CYP4A22: variants seen among roughly 807,000 people sequenced by gnomAD.
CYP4A22 encodes cytochrome P450 4A22.
Under a neutral mutation model 56.2 loss-of-function variants are expected in CYP4A22, and 46 were observed. That is an observed-to-expected ratio of 0.82 (90% CI 0.65 to 1.05). The LOEUF (loss-of-function observed/expected upper bound fraction) is 1.05, where lower values mean the gene tolerates loss of function less well. CYP4A22 is among the 50% of genes least tolerant of loss of function. The pLI is 0.00. For missense variants in CYP4A22, 541 were observed against 645.9 expected, an observed-to-expected ratio of 0.84 and a Z score of 1.76; for synonymous variants, 193 against 251.1, an observed-to-expected ratio of 0.77 and a Z score of 2.19.
Position 47,143,728 on chromosome 1 carries a change from C to G in CYP4A22, c.636-34C>G, listed in dbSNP as rs76641385. On this transcript the variant is annotated intron_variant, in intron 5 of 11. Coordinates refer to ENST00000371891, the MANE Select transcript of CYP4A22 (RefSeq NM_001010969.4). ...TCTACTTCCGGGTAATGGGCCCACC[C>G]CTACTGCGGTCTCTTCTTCATACTC... 3.3e-3 allele frequency: 5,265 copies of G among 1,573,716 alleles called. 99 individuals carry two copies. In the East Asian group the frequency reaches 0.049, roughly 15 times the overall value.
rs375816891 is a variant in CYP4A22 at position 47,144,886 on chromosome 1, C to T, written c.1138C>T (p.Leu380=). The change falls in exon 9 of 12, where the codon CTG becomes TTG. Residue 380 remains leucine (L), a synonymous_variant. Coordinates refer to ENST00000371891, the MANE Select transcript of CYP4A22 (RefSeq NM_001010969.4). ...PYTTMCIKEA[L]RLYPPVPGIG... ...CACCACCATGTGCATTAAGGAGGCA[C>T]TGAGGCTCTACCCACCGGTGCCAGG... 20 of 1,614,154 alleles carry T rather than the reference C, an allele frequency of 1.2e-5. 1 individual carries two copies. In the African/African-American group the frequency reaches 2.4e-4, roughly 19 times the overall value.
At chr1:47,148,132 G>A (rs537930575) in intron 11 of CYP4A22, among the ~76,000 whole-genome samples, 96 of 152,188 alleles carry the variant, frequency 6.3e-4, no homozygotes, top group African/African-American at 2.0e-3. Context: ...TACACCCATC[G>A]GGGACCCCCT....
rs1225300988 is a variant in CYP4A22 at position 47,137,460 on chromosome 1, C to T, written c.-26C>T. ...GGGTGGTCAGAGAGAGGAAGGGGCACTCAGAGATCCAGCAGGTGCTGCACC... is the reference window on the plus strand; with the variant it reads ...GGGTGGTCAGAGAGAGGAAGGGGCATTCAGAGATCCAGCAGGTGCTGCACC... On this transcript the variant is annotated 5_prime_UTR_variant, in exon 1 of 12. Coordinates refer to ENST00000371891, the MANE Select transcript of CYP4A22 (RefSeq NM_001010969.4). 6 of 1,594,790 alleles carry T rather than the reference C, an allele frequency of 3.8e-6. No homozygotes were observed. The highest frequency in any genetic ancestry group is 5.1e-6 in the Non-Finnish European group (6 of 1,169,904).
chr1:47,140,422 A>G (rs1452863315), intron 1 of CYP4A22, among the ~76,000 whole-genome samples: 1 of 152,248 alleles, frequency 6.6e-6, no homozygotes, highest in Non-Finnish European at 1.5e-5. Context: ...TGTTCACATT[A>G]ATTCATTTTA....
chr1:47,144,267 AG>A, intron 6 of CYP4A22, 89 bp from the exon 7 acceptor site: 1 of 1,488,660 alleles, frequency 6.7e-7, no homozygotes. Flanking sequence ...GAGATCTACC[AG>A]GCACCCACAC....
intron 11 of CYP4A22, chr1:47,146,877 G>A (rs1645081643): frequency 1.0e-6 from 1 of 985,302 alleles, no homozygotes; most frequent in African/African-American, 1.7e-5. Context: ...GCACAATATT[G>A]GCCAAAAACA....
Position 47,146,146 on chromosome 1 carries a change from G to A in CYP4A22, c.1357G>A (p.Gly453Arg), listed in dbSNP as rs267598633. 6.2e-7 allele frequency: 1 copy of A among 1,614,194 alleles called. No homozygotes were observed. Among genetic ancestry groups the A allele is most frequent in the African/African-American group, 1.3e-5 (1 of 75,056 alleles). Reference sequence around the variant, plus strand: ...CCACGCTTTCCTGCCCTTCTCAGGAGGATCAAGGTGAGACGTCCTGTGTGG... The same window carrying A: ...CCACGCTTTCCTGCCCTTCTCAGGAAGATCAAGGTGAGACGTCCTGTGTGG... Reference protein sequence around the residue: ...HSHAFLPFSGGSRNCIGKQFA... With the variant: ...HSHAFLPFSGRSRNCIGKQFA... The change falls in exon 11 of 12, where the codon GGA becomes AGA. Residue 453 changes from glycine to arginine, a missense_variant. By Grantham distance (125) the Gly-to-Arg change is moderately radical (BLOSUM62 -2). This residue lies in a region of CYP4A22 where 204 missense variants were observed against 258.9 expected (regional missense o/e 0.79). Transcript: ENST00000371891.
chr1:47,137,782 G>C (rs954382507), intron 1 of CYP4A22, 102 bp downstream of exon 1: 28 of 1,461,404 alleles, frequency 1.9e-5, no homozygotes, highest in Admixed American at 7.7e-5. Flanking sequence ...TGTAACAAAC[G>C]TGAGGCCTCA....
chr1:47,146,720 G>T, intron 11 of CYP4A22: 1 of 990,232 alleles, frequency 1.0e-6, no homozygotes. Context: ...TTTTACAACA[G>T]TGTGTGTCAT....
At position 47,137,671 on chromosome 1, in the gene CYP4A22, C is replaced by T; in HGVS notation, c.186C>T (p.His62=). 2 of 1,610,924 alleles carry T rather than the reference C, an allele frequency of 1.2e-6. No individual in the cohort carries two copies. Among genetic ancestry groups the T allele is most frequent in the Non-Finnish European group, 1.7e-6 (2 of 1,178,142 alleles). Reference sequence around the variant, plus strand: ...CTCCCTCCCACTGGCTCTTCGGGCACATCCAGGAGGTAGGGAGGAACTCAG... The same window carrying T: ...CTCCCTCCCACTGGCTCTTCGGGCATATCCAGGAGGTAGGGAGGAACTCAG... ...PCPPSHWLFG[H]IQEFQHDQEL... The change falls in exon 1 of 12, where the codon CAC becomes CAT. Residue 62 remains histidine (H), a synonymous_variant. Coordinates refer to ENST00000371891, the MANE Select transcript of CYP4A22 (RefSeq NM_001010969.4).
intron 10 of CYP4A22, 36 bp downstream of exon 10, chr1:47,145,966 T>A (rs2405601): frequency 6.2e-7 from 1 of 1,614,098 alleles, no homozygotes; most frequent in Non-Finnish European, 8.5e-7. Context: ...TGGGGTGATC[T>A]CTCAAGACCA....
rs1046679715 is a variant in CYP4A22, at chr1:47,149,468, C to G, written c.*671C>G. 1.3e-5 allele frequency: 2 copies of G among 152,300 alleles called. No individual in the cohort carries two copies. The highest frequency in any genetic ancestry group is 2.4e-5 in the African/African-American group (1 of 41,452). The allele number at this position is 152,300 out of a possible 1,614,324, so 9.4% of individuals were successfully genotyped here. On this transcript the variant is annotated 3_prime_UTR_variant, in exon 12 of 12. Transcript: ENST00000371891. ...CCAGAGCTCGGGGCCTTCACAGCCT[C>G]CATACTTAGCTTTGGCGCCCTGGAC...
In CYP4A22 at chr1:47,149,146, G is replaced by T. The variant is rs1478507835; in HGVS notation, c.*349G>T. The T allele has an allele frequency of 1.0e-5, 2 of 194,722 alleles. No homozygotes were observed. Among genetic ancestry groups the T allele is most frequent in the Non-Finnish European group, 2.1e-5 (2 of 95,994 alleles). The allele number at this position is 194,722 out of a possible 1,614,324, so 12.1% of individuals were successfully genotyped here. The stretch of plus-strand genomic sequence containing the variant: ...CAAGCTCTGTGCTGAAGGGTGGAAG[G>T]CTACCCTGACGCACCATAATCTAAG... On this transcript the variant is annotated 3_prime_UTR_variant, in exon 12 of 12. Coordinates refer to ENST00000371891, the MANE Select transcript of CYP4A22 (RefSeq NM_001010969.4).
At position 47,140,939 on chromosome 1, in the gene CYP4A22, T is replaced by C; in HGVS notation, c.337+18T>C. 6.2e-7 allele frequency: 1 copy of C among 1,612,906 alleles called. No homozygotes were observed. The highest frequency in any genetic ancestry group is 1.1e-5 in the South Asian group (1 of 90,938). The stretch of plus-strand genomic sequence containing the variant: ...GAGATCAGGTGAGATCGAACCCCCA[T>C]CCCAACTGCAATTTCTCTTCCCTCT... On this transcript the variant is annotated intron_variant, in intron 2 of 11. Transcript: ENST00000371891.
intron 6 of CYP4A22, 110 bp downstream of exon 6, chr1:47,144,026 A>T: frequency 6.7e-7 from 1 of 1,500,300 alleles, no homozygotes; most frequent in Non-Finnish European, 8.9e-7. Context: ...GCCAGAACAC[A>T]CTCAGCCTGG....
At chr1:47,138,594 C>T (rs1391432672) in intron 1 of CYP4A22, among the ~76,000 whole-genome samples, 3 of 152,174 alleles carry the variant, frequency 2.0e-5, no homozygotes, top group Non-Finnish European at 4.4e-5. Flanking sequence ...GACACAAATT[C>T]GTAAACTTTC....
chr1:47,143,669 C>A (rs1557647694), intron 5 of CYP4A22, 93 bp from the exon 6 acceptor site: 1 of 1,492,392 alleles, frequency 6.7e-7, no homozygotes. Context: ...CTGCTTGTCC[C>A]CATTATCCGA....
chr1:47,148,786 G>C lies in CYP4A22; in HGVS notation c.1549G>C (p.Asp517His). The C allele has an allele frequency of 6.2e-7, 1 of 1,605,788 alleles. No individual in the cohort carries two copies. Among genetic ancestry groups the C allele is most frequent in the East Asian group, 2.2e-5 (1 of 44,702 alleles). ...RRLPNPCEDK[D>H]QL ...GCTCCCTAACCCTTGTGAAGACAAG[G>C]ACCAGCTTTGAGGGCCTCCACCTGC... Residue 517 changes from aspartate to histidine, a missense_variant, in exon 12 of 12, where the codon GAC becomes CAC. Transcript: ENST00000371891.
chr1:47,144,000 T>C, intron 6 of CYP4A22, 84 bp downstream of exon 6: 2 of 1,522,830 alleles, frequency 1.3e-6, no homozygotes, highest in Non-Finnish European at 1.8e-6. Flanking sequence ...AGAAGGTCCC[T>C]AGTAATCCTG....
Sources: allele counts gnomAD v4.1 joint callset (sites outside exome capture counted in the v4.1 genomes callset), GRCh38; gene constraint gnomAD v4.1.1; regional missense constraint gnomAD v4.1.1; transcripts MANE v1.5; gene names NCBI Gene and HGNC (gene_info 2026-07-23, HGNC 2026-07-21).